The following TAFA2 variants were observed in gnomAD, a reference collection of about 807,000 sequenced individuals.
TAFA2 encodes chemokine-like protein TAFA-2.
Under a neutral mutation model 18.8 loss-of-function variants are expected in TAFA2, and 7 were observed. The observed-to-expected ratio is 0.37, with a 90% CI of 0.21 to 0.70. The LOEUF is 0.70. TAFA2 is among the 30% of genes least tolerant of loss of function. The pLI is 0.53. For synonymous variants in TAFA2, 60 were observed against 54.2 expected (o/e 1.11, Z -0.47); for missense variants, 122 against 158.1 (o/e 0.77, Z 1.23).
At chr12:61,813,263 C>T (rs1229128094) in intron 2 of TAFA2, among the ~76,000 whole-genome samples, 1 of 151,274 alleles carries the variant, frequency 6.6e-6, no homozygotes, top group African/African-American at 2.5e-5. Context: ...GTAAGTTGAG[C>T]TTTTTCCATA....
chr12:61,986,123 G>C (rs1879804798), intron 1 of TAFA2, among the ~76,000 whole-genome samples: 1 of 144,712 alleles, frequency 6.9e-6, no homozygotes, highest in South Asian at 2.3e-4. Flanking sequence ...AGTAGAAAGA[G>C]TGACAGAATC....
Position 61,840,004 on chromosome 12 carries a change from G to C in TAFA2, c.106+27316C>G, listed in dbSNP as rs1326042127. Among the ~76,000 whole-genome samples, 4 of 152,056 alleles carry C rather than the reference G, an allele frequency of 2.6e-5. 1 individual carries two copies. The highest frequency in any genetic ancestry group is 2.0e-4 in the Admixed American group (3 of 15,250). On this transcript the variant is annotated intron_variant, in intron 2 of 4. Coordinates refer to ENST00000416284, the MANE Select transcript of TAFA2 (RefSeq NM_178539.5). ...AAGGAGCCTCATATGCAAAGATCTG[G>C]AGCCACGAGAGTGTACGGAATGTCC...
At chr12:61,975,025 A>ATT (rs11379787) in intron 1 of TAFA2, among the ~76,000 whole-genome samples, 9 of 150,668 alleles carry the variant, frequency 6.0e-5, no homozygotes, top group African/African-American at 1.7e-4. Context: ...GAACCAATAG[A>ATT]TTTTTTTTTA....
intron 1 of TAFA2, among the ~76,000 whole-genome samples, chr12:61,936,585 C>A (rs1308389295): frequency 1.3e-5 from 2 of 150,818 alleles, no homozygotes; most frequent in East Asian, 3.9e-4. Context: ...CATAAAAATA[C>A]AAATAAATAA....
In TAFA2 at chr12:61,800,468, G is replaced by C. The variant is rs148720333; in HGVS notation, c.107-45444C>G. Among the ~76,000 whole-genome samples, 160 of 152,250 alleles carry C rather than the reference G, an allele frequency of 1.1e-3. 1 individual carries two copies. The highest frequency in any genetic ancestry group is 3.7e-3 in the African/African-American group (154 of 41,562). ...GAGATTTATTTGAACAATTGAATTAGTGTTCAGGGCCCAATACTGAAGGAG... is the reference window on the plus strand; with the variant it reads ...GAGATTTATTTGAACAATTGAATTACTGTTCAGGGCCCAATACTGAAGGAG... On this transcript the variant is annotated intron_variant, in intron 2 of 4. Transcript: ENST00000416284.
chr12:62,005,936 C>T (rs1880533735), intron 1 of TAFA2, among the ~76,000 whole-genome samples: 1 of 152,114 alleles, frequency 6.6e-6, no homozygotes, highest in African/African-American at 2.4e-5. Context: ...ACCCTCAAAT[C>T]ATCTACTTAT....
intron 1 of TAFA2, among the ~76,000 whole-genome samples, chr12:62,205,055 TTTTTC>T (rs2136969784): frequency 6.6e-6 from 1 of 152,322 alleles, no homozygotes; most frequent in East Asian, 1.9e-4. Context: ...TTTCTGTTTG[TTTTTC>T]TTTTAACAGT....
At chr12:61,945,155 G>A (rs1215676202) in intron 1 of TAFA2, among the ~76,000 whole-genome samples, 7 of 117,424 alleles carry the variant, frequency 6.0e-5, no homozygotes, top group Non-Finnish European at 3.3e-5. Flanking sequence ...TTCAATATAT[G>A]CAAATCAATA....
chr12:62,011,472 A>G (rs1188739781), intron 1 of TAFA2, among the ~76,000 whole-genome samples: 1 of 152,186 alleles, frequency 6.6e-6, no homozygotes, highest in Non-Finnish European at 1.5e-5. Context: ...TCTCTGAAAC[A>G]TGTGCTGTGT....
chr12:61,830,101 C>T (rs530952042), intron 2 of TAFA2, among the ~76,000 whole-genome samples: 1 of 151,304 alleles, frequency 6.6e-6, no homozygotes, highest in Admixed American at 6.6e-5. Context: ...GATATGGAAC[C>T]CACCTGTATC....
chr12:61,867,715 T>C (rs777460391), intron 1 of TAFA2, among the ~76,000 whole-genome samples: 4 of 152,170 alleles, frequency 2.6e-5, no homozygotes, highest in Non-Finnish European at 4.4e-5. Context: ...TTTCTCTCCA[T>C]ATAAACATAG....
At chr12:61,824,493 T>C (rs1282511064) in intron 2 of TAFA2, among the ~76,000 whole-genome samples, 2 of 152,188 alleles carry the variant, frequency 1.3e-5, no homozygotes, top group Admixed American at 6.6e-5. Flanking sequence ...ACTTAGGCAG[T>C]AAAAATCATA....
intron 4 of TAFA2, among the ~76,000 whole-genome samples, chr12:61,750,670 C>T (rs1215669991): frequency 6.6e-6 from 1 of 152,122 alleles, no homozygotes; most frequent in East Asian, 1.9e-4. Context: ...GCCATGCAAG[C>T]CTTATTACTA....
At position 62,218,358 on chromosome 12, in the gene TAFA2, G is replaced by A. The variant is rs182330463; in HGVS notation, c.-130+40405C>T. Among the ~76,000 whole-genome samples, 173 of 152,234 alleles carry A rather than the reference G, an allele frequency of 1.1e-3. No individual in the cohort carries two copies. The Middle Eastern group carries it at 0.014, about 12-fold the overall frequency. On this transcript the variant is annotated intron_variant, in intron 1 of 5. Coordinates refer to the TAFA2 transcript ENST00000551619. ...AGGAAATGAGGGAAGGAAAGGAAAA[G>A]AGTCTCTCCTACCCGTGTCTGATGA... is the stretch of plus-strand genomic sequence containing the variant.
At chr12:61,818,490 T>TACACAC (rs3034071) in intron 2 of TAFA2, among the ~76,000 whole-genome samples, 5,013 of 140,764 alleles carry the variant, frequency 0.036, 118 homozygotes, top group African/African-American at 0.045. Context: ...CTCAAAAAAA[T>TACACAC]ACACACACAC....
chr12:61,962,987 G>T (rs2136655932), intron 1 of TAFA2, among the ~76,000 whole-genome samples: 1 of 152,054 alleles, frequency 6.6e-6, no homozygotes, highest in African/African-American at 2.4e-5. Context: ...TTGCTTTTCT[G>T]TTCCCGTCTT....
intron 2 of TAFA2, among the ~76,000 whole-genome samples, chr12:61,837,055 T>G (rs1872964376): frequency 6.6e-6 from 1 of 151,704 alleles, no homozygotes; most frequent in Non-Finnish European, 1.5e-5. Flanking sequence ...TTTTTAATTT[T>G]CACATTAAAA....
intron 1 of TAFA2, among the ~76,000 whole-genome samples, chr12:62,178,546 A>C (rs1226915693): frequency 6.6e-6 from 1 of 152,196 alleles, no homozygotes; most frequent in Admixed American, 6.5e-5. Context: ...GGCAAAAGAC[A>C]CAAGATTCCC....
At chr12:62,065,718 T>C (rs1408249591) in intron 1 of TAFA2, among the ~76,000 whole-genome samples, 2 of 150,278 alleles carry the variant, frequency 1.3e-5, no homozygotes, top group Admixed American at 6.6e-5. Flanking sequence ...TGTGTGTGTG[T>C]TGTGTGTGTG....
Sources: gnomAD v4.1 joint callset for allele counts (sites outside exome capture counted in the v4.1 genomes callset) on GRCh38, gnomAD v4.1.1 for gene constraint, MANE v1.5 for transcripts, NCBI Gene and HGNC (gene_info 2026-07-23, HGNC 2026-07-21) for gene names.